Variants in NCAM2 observed in about 807,000 individuals in gnomAD.
NCAM2 encodes neural cell adhesion molecule 2.
NCAM2 carries 30 observed loss-of-function variants against 98.1 expected under a neutral mutation model. The ratio of observed to expected loss-of-function variants is 0.31; its 90% confidence interval spans 0.23 to 0.41. The LOEUF (loss-of-function observed/expected upper bound fraction) is 0.41, where lower values mean the gene tolerates loss of function less well. Ranked by LOEUF, NCAM2 falls within the 10% of genes least tolerant of loss-of-function variation. The pLI is 1.00. For missense variants in NCAM2, 867 were observed against 1,005.8 expected, an observed-to-expected ratio of 0.86 and a Z score of 1.87; for synonymous variants, 368 against 342.4, an observed-to-expected ratio of 1.07 and a Z score of -0.83.
intron 1 of NCAM2, among the ~76,000 whole-genome samples, chr21:21,034,609 C>T (rs115007618): frequency 1.2e-4 from 19 of 152,204 alleles, no homozygotes; most frequent in African/African-American, 4.6e-4. Flanking sequence ...AGAAAAATTT[C>T]AACTACTCAT....
chr21:21,444,325 T>G (rs1226604392), intron 12 of NCAM2, among the ~76,000 whole-genome samples: 2 of 152,218 alleles, frequency 1.3e-5, no homozygotes, highest in East Asian at 3.9e-4. Flanking sequence ...CAGGTTTTGG[T>G]ATCAGGATGA....
intron 10 of NCAM2, among the ~76,000 whole-genome samples, chr21:21,417,740 C>A (rs542091939): frequency 6.6e-6 from 1 of 152,102 alleles, no homozygotes; most frequent in Admixed American, 6.5e-5. Context: ...TAGAGGTCAG[C>A]TATTTTCTAC....
At chr21:21,234,913 C>T (rs953760186) in intron 1 of NCAM2, among the ~76,000 whole-genome samples, 4 of 152,004 alleles carry the variant, frequency 2.6e-5, no homozygotes, top group Non-Finnish European at 4.4e-5. Flanking sequence ...AAGCAAATTG[C>T]AGCTAAGGGT....
At chr21:21,315,276 C>T (rs1001468050) in intron 5 of NCAM2, among the ~76,000 whole-genome samples, 9 of 152,114 alleles carry the variant, frequency 5.9e-5, no homozygotes, top group Non-Finnish European at 1.3e-4. Context: ...GTTTAGAATC[C>T]GATTCAATAA....
intron 5 of NCAM2, among the ~76,000 whole-genome samples, chr21:21,312,416 T>C (rs2074084138): frequency 6.6e-6 from 1 of 151,376 alleles, no homozygotes; most frequent in Non-Finnish European, 1.5e-5. Flanking sequence ...AAAGAACAAT[T>C]ATTTAATAAT....
intron 1 of NCAM2, among the ~76,000 whole-genome samples, chr21:21,248,902 A>G (rs1223445813): frequency 6.6e-6 from 1 of 150,790 alleles, no homozygotes; most frequent in African/African-American, 2.4e-5. Flanking sequence ...TATCTTGAAT[A>G]ATGGCATTTA....
intron 9 of NCAM2, among the ~76,000 whole-genome samples, chr21:21,408,414 A>G (rs1156783897): frequency 2.0e-5 from 3 of 152,298 alleles, no homozygotes; most frequent in African/African-American, 7.2e-5. Flanking sequence ...TAGTGCATTA[A>G]AAGTCCTTTA....
intron 1 of NCAM2, among the ~76,000 whole-genome samples, chr21:21,256,087 G>A (rs1379281200): frequency 6.6e-6 from 1 of 152,208 alleles, no homozygotes; most frequent in Non-Finnish European, 1.5e-5. Flanking sequence ...GGGCGCAGTG[G>A]CTCACGCCTG....
At chr21:21,385,208 A>G (rs181422116) in intron 9 of NCAM2, among the ~76,000 whole-genome samples, 1 of 152,090 alleles carries the variant, frequency 6.6e-6, no homozygotes, top group Admixed American at 6.6e-5. Flanking sequence ...CAACAAATTC[A>G]TAATAGTAAT....
chr21:21,227,593 A>G (rs532327010), intron 1 of NCAM2, among the ~76,000 whole-genome samples: 6 of 151,954 alleles, frequency 3.9e-5, no homozygotes, highest in Admixed American at 3.9e-4. Context: ...CCGAATAGAA[A>G]ATGAAATTGG....
At chr21:21,534,731 A>C (rs578032926) in intron 17 of NCAM2, 75 bp downstream of exon 17, 7 of 1,205,680 alleles carry the variant, frequency 5.8e-6, no homozygotes, top group Non-Finnish European at 7.6e-6. Context: ...TTGTTGTATT[A>C]CATATTTAAA....
intron 14 of NCAM2, among the ~76,000 whole-genome samples, chr21:21,469,877 T>C (rs1984208625): frequency 6.6e-6 from 1 of 152,024 alleles, no homozygotes; most frequent in African/African-American, 2.4e-5. Flanking sequence ...GCCATTCTCA[T>C]TTGCACATTT....
At chr21:21,105,918 A>G (rs927056875) in intron 1 of NCAM2, among the ~76,000 whole-genome samples, 1 of 152,164 alleles carries the variant, frequency 6.6e-6, no homozygotes, top group African/African-American at 2.4e-5. Context: ...ATCATATCGT[A>G]TATAATTAAT....
intron 1 of NCAM2, among the ~76,000 whole-genome samples, chr21:21,117,969 T>A (rs2066597652): frequency 6.6e-6 from 1 of 152,214 alleles, no homozygotes; most frequent in South Asian, 2.1e-4. Flanking sequence ...TTTATGACTT[T>A]TAAATATATT....
At chr21:21,274,152 C>T (rs2072632984) in intron 1 of NCAM2, among the ~76,000 whole-genome samples, 1 of 148,738 alleles carries the variant, frequency 6.7e-6, no homozygotes, top group Non-Finnish European at 1.5e-5. Context: ...GCGACAAGAG[C>T]TAAACTCTGT....
intron 1 of NCAM2, among the ~76,000 whole-genome samples, chr21:21,260,365 C>T (rs2071848703): frequency 6.6e-6 from 1 of 151,854 alleles, no homozygotes; most frequent in South Asian, 2.1e-4. Context: ...CTGCAAGTTA[C>T]AGTACAAGAT....
intron 5 of NCAM2, among the ~76,000 whole-genome samples, chr21:21,310,735 A>G (rs2074022432): frequency 6.6e-6 from 1 of 152,182 alleles, no homozygotes; most frequent in African/African-American, 2.4e-5. Flanking sequence ...TATGAATTTT[A>G]ACGTATACAT....
At chr21:21,308,701 T>C (rs979660448) in intron 5 of NCAM2, among the ~76,000 whole-genome samples, 1 of 152,194 alleles carries the variant, frequency 6.6e-6, no homozygotes, top group African/African-American at 2.4e-5. Context: ...TCACATATTG[T>C]TCTCTGTCCC....
chr21:21,212,174 G>T (rs531718510), intron 1 of NCAM2, among the ~76,000 whole-genome samples: 7 of 152,220 alleles, frequency 4.6e-5, no homozygotes, highest in African/African-American at 1.7e-4. Context: ...TTCAAGAGGT[G>T]AATGGTTAAA....
Sources: gnomAD v4.1 joint callset for allele counts (sites outside exome capture counted in the v4.1 genomes callset) on GRCh38, gnomAD v4.1.1 for gene constraint, MANE v1.5 for transcripts, NCBI Gene and HGNC (gene_info 2026-07-23, HGNC 2026-07-21) for gene names.